SIK3: variants seen among roughly 807,000 people sequenced by gnomAD.
The protein encoded by SIK3 is serine/threonine-protein kinase SIK3.
Under a neutral mutation model 144.2 loss-of-function variants are expected in SIK3, and 28 were observed. That is an observed-to-expected ratio of 0.19 (90% confidence interval 0.14 to 0.27). The LOEUF is 0.27. Among genes scored for constraint, SIK3 ranks in the 10% least tolerant of loss-of-function variants. SIK3 has a pLI of 1.00. For missense variants in SIK3, 1,319 were observed against 1,776.0 expected (o/e 0.74, Z 4.62); for synonymous variants, 686 against 676.3 (o/e 1.01, Z -0.22).
intron 3 of SIK3, among the ~76,000 whole-genome samples, chr11:116,929,004 G>A (rs1441160347): frequency 1.3e-5 from 2 of 152,172 alleles, no homozygotes; most frequent in African/African-American, 4.8e-5. Flanking sequence ...GAGGTCAGAG[G>A]TGGGGATAAG....
At chr11:116,916,985 C>T (rs927984418) in intron 4 of SIK3, among the ~76,000 whole-genome samples, 2 of 151,304 alleles carry the variant, frequency 1.3e-5, no homozygotes, top group South Asian at 2.1e-4. Flanking sequence ...GACAGGGTCT[C>T]GCTCTGTCGC....
chr11:116,939,607 T>C (rs1040110158), intron 3 of SIK3, among the ~76,000 whole-genome samples: 5 of 152,332 alleles, frequency 3.3e-5, no homozygotes, highest in Middle Eastern at 3.4e-3. Context: ...TCAGATATTA[T>C]ACAACTCTTG....
intron 1 of SIK3, among the ~76,000 whole-genome samples, chr11:117,087,534 T>C (rs931941713): frequency 1.3e-5 from 2 of 152,326 alleles, no homozygotes; most frequent in Middle Eastern, 3.4e-3. Context: ...TATAACCTTC[T>C]CCTGACTTGT....
intron 21 of SIK3, among the ~76,000 whole-genome samples, chr11:116,854,074 A>G (rs758833595): frequency 2.9e-4 from 44 of 152,180 alleles, no homozygotes; most frequent in African/African-American, 1.1e-3. Flanking sequence ...ACTAATACCA[A>G]TATGGCTGGG....
At chr11:116,984,850 C>T (rs1271861985) in intron 1 of SIK3, among the ~76,000 whole-genome samples, 2 of 152,148 alleles carry the variant, frequency 1.3e-5, no homozygotes, top group Admixed American at 6.6e-5. Context: ...ACTTAGATAG[C>T]TTTACCCTGA....
chr11:116,983,968 T>C (rs1228745510), intron 1 of SIK3, among the ~76,000 whole-genome samples: 1 of 149,668 alleles, frequency 6.7e-6, no homozygotes, highest in Non-Finnish European at 1.5e-5. Flanking sequence ...GGAGGAGCAC[T>C]TGAGTCCAGG....
At chr11:116,916,032 C>T (rs1303668020) in intron 4 of SIK3, among the ~76,000 whole-genome samples, 1 of 152,146 alleles carries the variant, frequency 6.6e-6, no homozygotes, top group East Asian at 1.9e-4. Context: ...GGCGGAAAGA[C>T]CTAAGTAATT....
rs112323760 is a variant in SIK3, at chr11:117,090,118, C to A, written c.273+8025G>T. ...AGACTTCTCAAGGACATTGCCTACGCCATTTATTTAGCAATATTTTATTAG... is the reference window on the plus strand; with the variant it reads ...AGACTTCTCAAGGACATTGCCTACGACATTTATTTAGCAATATTTTATTAG... On this transcript the variant is annotated intron_variant, in intron 1 of 24. Coordinates refer to ENST00000445177, the MANE Select transcript of SIK3 (RefSeq NM_001366686.3). Among the ~76,000 whole-genome samples, 999 of 152,282 alleles carry A rather than the reference C, an allele frequency of 6.6e-3. 12 individuals are homozygous for A. The highest frequency in any genetic ancestry group is 0.023 in the African/African-American group (952 of 41,552).
chr11:116,861,626 A>G (rs756607989), intron 18 of SIK3, among the ~76,000 whole-genome samples: 8 of 152,172 alleles, frequency 5.3e-5, no homozygotes, highest in Non-Finnish European at 1.2e-4. Context: ...CCTGTATTAG[A>G]TATCAGATTA....
chr11:116,939,157 T>C (rs1301809279), intron 3 of SIK3, among the ~76,000 whole-genome samples: 4 of 152,186 alleles, frequency 2.6e-5, no homozygotes, highest in Non-Finnish European at 2.9e-5. Context: ...TTTTGTTTTG[T>C]TTTGTTTTTA....
intron 21 of SIK3, chr11:116,857,552 CTG>C (rs1449693916): frequency 4.2e-6 from 2 of 475,606 alleles, no homozygotes; most frequent in East Asian, 3.9e-5. Flanking sequence ...TTCCAAGAAA[CTG>C]TGGTATGAAT....
At chr11:117,063,725 C>T (rs1483715971) in intron 1 of SIK3, among the ~76,000 whole-genome samples, 4 of 151,806 alleles carry the variant, frequency 2.6e-5, no homozygotes, top group Non-Finnish European at 5.9e-5. Flanking sequence ...TCCACCACTA[C>T]GCCTGGCTAA....
At chr11:117,061,388 G>A (rs1565606131) in intron 1 of SIK3, among the ~76,000 whole-genome samples, 1 of 152,174 alleles carries the variant, frequency 6.6e-6, no homozygotes, top group African/African-American at 2.4e-5. Flanking sequence ...GAGGTTCAGA[G>A]TGCAAACTCT....
intron 1 of SIK3, among the ~76,000 whole-genome samples, chr11:116,975,125 A>G (rs899107809): frequency 2.0e-5 from 3 of 152,062 alleles, no homozygotes; most frequent in African/African-American, 7.3e-5. Flanking sequence ...CAAGACAAAT[A>G]ATCACATTAG....
At chr11:117,013,134 C>T (rs1184095620) in intron 1 of SIK3, among the ~76,000 whole-genome samples, 1 of 152,100 alleles carries the variant, frequency 6.6e-6, no homozygotes, top group African/African-American at 2.4e-5. Context: ...TTATTTAATA[C>T]CTTCCCCCTA....
At chr11:116,847,870 G>A (rs983940654) in intron 22 of SIK3, among the ~76,000 whole-genome samples, 9 of 152,176 alleles carry the variant, frequency 5.9e-5, no homozygotes, top group Admixed American at 5.2e-4. Flanking sequence ...ATACCTACAT[G>A]GCCTTCTAAA....
intron 1 of SIK3, among the ~76,000 whole-genome samples, chr11:116,958,759 T>A: frequency 6.6e-6 from 1 of 152,086 alleles, no homozygotes; most frequent in Non-Finnish European, 1.5e-5. Context: ...CTGTAAGAAG[T>A]CTTGGATAAT....
At chr11:116,950,091 C>A (rs968552693) in intron 3 of SIK3, 1 of 470,540 alleles carries the variant, frequency 2.1e-6, no homozygotes, top group Non-Finnish European at 4.4e-6. Flanking sequence ...TGTCTTAATA[C>A]CCAAGGCAAG....
At chr11:116,880,292 GAA>G (rs1300341570) in intron 6 of SIK3, among the ~76,000 whole-genome samples, 1 of 141,596 alleles carries the variant, frequency 7.1e-6, no homozygotes, top group Non-Finnish European at 1.5e-5. Flanking sequence ...CAGATGCCTT[GAA>G]AATTCTCCAA....
Sources: gnomAD v4.1 joint callset for allele counts (sites outside exome capture counted in the v4.1 genomes callset) on GRCh38, gnomAD v4.1.1 for gene constraint, MANE v1.5 for transcripts, NCBI Gene and HGNC (gene_info 2026-07-23, HGNC 2026-07-21) for gene names.